The following DLGAP2 variants were observed in gnomAD, a reference collection of about 807,000 sequenced individuals.
The protein encoded by DLGAP2 is disks large-associated protein 2.
DLGAP2 carries 26 observed loss-of-function variants against 100.3 expected under a neutral mutation model. The observed-to-expected ratio is 0.26, with a 90% CI of 0.19 to 0.36. The LOEUF (loss-of-function observed/expected upper bound fraction) is 0.36. DLGAP2 is among the 10% of genes least tolerant of loss of function. The pLI is 1.00. For missense variants in DLGAP2, 1,858 were observed against 1,453.2 expected (o/e 1.28, Z -4.53); for synonymous variants, 886 against 630.1 (o/e 1.41, Z -6.08).
intron 3 of DLGAP2, among the ~76,000 whole-genome samples, chr8:1,431,452 C>G (rs563190520): frequency 4.6e-5 from 7 of 152,302 alleles, no homozygotes; most frequent in Middle Eastern, 3.4e-3. Flanking sequence ...CAGGTAGACT[C>G]TACCCGTGGG....
chr8:1,104,385 G>A (rs1383541074), intron 2 of DLGAP2, among the ~76,000 whole-genome samples: 1 of 152,184 alleles, frequency 6.6e-6, no homozygotes, highest in Non-Finnish European at 1.5e-5. Context: ...GAGCCTGGGA[G>A]AGGGTTCCAG....
intron 8 of DLGAP2, among the ~76,000 whole-genome samples, chr8:1,646,169 G>A (rs1798036433): frequency 6.6e-6 from 1 of 152,102 alleles, no homozygotes; most frequent in Non-Finnish European, 1.5e-5. Context: ...CCCCAGTGTG[G>A]GTGGGCCACG....
intron 6 of DLGAP2, among the ~76,000 whole-genome samples, chr8:1,583,927 TCTC>T (rs1796031670): frequency 6.6e-6 from 1 of 151,986 alleles, no homozygotes; most frequent in Non-Finnish European, 1.5e-5. Flanking sequence ...CTGTTCACCG[TCTC>T]CTCCTTGCTG....
chr8:849,871 C>T (rs113406521), intron 1 of DLGAP2, among the ~76,000 whole-genome samples: 6,611 of 152,172 alleles, frequency 0.043, 222 homozygotes, highest in African/African-American at 0.087. Context: ...CCAAACCAGC[C>T]TGGCCAACAT....
chr8:993,839 T>C (rs1425350732), intron 2 of DLGAP2, among the ~76,000 whole-genome samples: 4 of 146,772 alleles, frequency 2.7e-5, no homozygotes. Context: ...TTGCTTTCTG[T>C]TGAGGGCCTT....
chr8:1,659,315 T>C (rs1461429206), intron 8 of DLGAP2, among the ~76,000 whole-genome samples: 1 of 151,686 alleles, frequency 6.6e-6, no homozygotes, highest in African/African-American at 2.4e-5. Context: ...AATGGGATAT[T>C]CTGCTGATTT....
chr8:1,070,929 G>A (rs1165324259), intron 2 of DLGAP2, among the ~76,000 whole-genome samples: 1 of 152,228 alleles, frequency 6.6e-6, no homozygotes, highest in Admixed American at 6.5e-5. Flanking sequence ...AGGAGGCAGA[G>A]GGGAAGCCCC....
At position 1,665,707 on chromosome 8, in the gene DLGAP2, C is replaced by T. The variant is rs527771869; in HGVS notation, c.1811-2622C>T. Among the ~76,000 whole-genome samples, 10 of 152,388 alleles carry T rather than the reference C, an allele frequency of 6.6e-5. No individual in the cohort carries two copies. The South Asian group carries it at 8.3e-4, about 13-fold the overall frequency. ...CACTGGAGAGGTCATTGAGAGCCCCCGTCCGCAGTCTCGCTCCAGCGCGCA... is the reference window on the plus strand; with the variant it reads ...CACTGGAGAGGTCATTGAGAGCCCCTGTCCGCAGTCTCGCTCCAGCGCGCA... On this transcript the variant is annotated intron_variant, in intron 8 of 14. Coordinates refer to ENST00000637795, the MANE Select transcript of DLGAP2 (RefSeq NM_001346810.2).
chr8:960,858 C>T (rs953938063), intron 2 of DLGAP2, among the ~76,000 whole-genome samples: 2 of 152,166 alleles, frequency 1.3e-5, no homozygotes, highest in African/African-American at 2.4e-5. Context: ...TCTTGACTTA[C>T]GATGGGGTTA....
intron 2 of DLGAP2, among the ~76,000 whole-genome samples, chr8:1,068,303 A>C (rs1803318360): frequency 6.6e-6 from 1 of 152,230 alleles, no homozygotes; most frequent in Non-Finnish European, 1.5e-5. Flanking sequence ...TTTCCAGCTC[A>C]TCTGGGTAAA....
At chr8:1,593,518 C>T (rs999418838) in intron 6 of DLGAP2, among the ~76,000 whole-genome samples, 2 of 152,000 alleles carry the variant, frequency 1.3e-5, no homozygotes, top group Non-Finnish European at 2.9e-5. Flanking sequence ...TTGAAAATCT[C>T]CTGCACCTTG....
chr8:988,202 C>A (rs1217977221), intron 2 of DLGAP2, among the ~76,000 whole-genome samples: 1 of 151,966 alleles, frequency 6.6e-6, no homozygotes, highest in Non-Finnish European at 1.5e-5. Context: ...TATTTAGTAC[C>A]CTTTAGTATT....
intron 3 of DLGAP2, among the ~76,000 whole-genome samples, chr8:1,315,504 C>T (rs372769709): frequency 5.6e-5 from 8 of 141,598 alleles, no homozygotes; most frequent in African/African-American, 1.1e-4. Context: ...AGAGCGTGTG[C>T]GAGTGCAGCG....
intron 8 of DLGAP2, among the ~76,000 whole-genome samples, chr8:1,661,182 G>A (rs1038528682): frequency 2.0e-4 from 31 of 152,260 alleles, no homozygotes; most frequent in African/African-American, 4.8e-4. Context: ...TCCTGTTCAC[G>A]TTGGAGCCCC....
At chr8:890,022 T>C (rs1798002470) in intron 1 of DLGAP2, among the ~76,000 whole-genome samples, 1 of 152,012 alleles carries the variant, frequency 6.6e-6, no homozygotes, top group Admixed American at 6.6e-5. Context: ...CCCGTGTGTT[T>C]CTCGGGTGGC....
At chr8:851,143 C>G (rs1797175865) in intron 1 of DLGAP2, among the ~76,000 whole-genome samples, 1 of 152,214 alleles carries the variant, frequency 6.6e-6, no homozygotes, top group Admixed American at 6.5e-5. Flanking sequence ...TGTAGATGCA[C>G]AAGTGCCATG....
At chr8:922,010 AGGTGTGT>A (rs954345894) in intron 2 of DLGAP2, among the ~76,000 whole-genome samples, 1 of 152,192 alleles carries the variant, frequency 6.6e-6, no homozygotes, top group African/African-American at 2.4e-5. Context: ...GGTGGGACAC[AGGTGTGT>A]GGCATGCTGG....
Position 751,438 on chromosome 8 carries a change from C to T in DLGAP2, c.18+13613C>T, listed in dbSNP as rs111448445. Among the ~76,000 whole-genome samples, 1,388 of 152,324 alleles carry T rather than the reference C, an allele frequency of 9.1e-3. 25 individuals carry two copies. Among genetic ancestry groups the T allele is most frequent in the African/African-American group, 0.032 (1,318 of 41,560 alleles). ...AGGTGTCGCGCCATCTGTCCTCACTCGGCCGTCTCGTGACTCTGTGACCAG... is the reference window on the plus strand; with the variant it reads ...AGGTGTCGCGCCATCTGTCCTCACTTGGCCGTCTCGTGACTCTGTGACCAG... On this transcript the variant is annotated intron_variant, in intron 1 of 14. Coordinates refer to ENST00000637795, the MANE Select transcript of DLGAP2 (RefSeq NM_001346810.2).
chr8:1,140,349 C>G (rs13260497), intron 2 of DLGAP2, among the ~76,000 whole-genome samples: 117,759 of 146,288 alleles, frequency 0.8, 46,017 homozygotes, highest in Middle Eastern at 0.86. Context: ...GAAGGCAGAA[C>G]AGGGCACACA....
Sources: allele counts gnomAD v4.1 joint callset (sites outside exome capture counted in the v4.1 genomes callset), GRCh38; gene constraint gnomAD v4.1.1; transcripts MANE v1.5; gene names NCBI Gene and HGNC (gene_info 2026-07-23, HGNC 2026-07-21).